The following KIF18B variants were observed in gnomAD, a reference collection of about 807,000 sequenced individuals.
KIF18B encodes the protein kinesin family member 18B.
KIF18B carries 49 observed loss-of-function variants against 80.9 expected under a neutral mutation model. That is an observed-to-expected ratio of 0.61 (90% CI 0.48 to 0.77). The LOEUF (loss-of-function observed/expected upper bound fraction) is 0.77. KIF18B is among the 30% of genes least tolerant of loss of function. The pLI, the probability that KIF18B is intolerant of heterozygous loss-of-function variation, is 0.00. For synonymous variants in KIF18B, 439 were observed against 463.9 expected, an observed-to-expected ratio of 0.95 and a Z score of 0.69; for missense variants, 994 against 1,127.7, an observed-to-expected ratio of 0.88 and a Z score of 1.70.
At chr17:44,932,370 G>T in intron 9 of KIF18B, 164 bp from the exon 10 acceptor site, 1 of 737,358 alleles carries the variant, frequency 1.4e-6, no homozygotes, top group Non-Finnish European at 2.1e-6. Context: ...TGACAAATGG[G>T]CAGTAGCTGA....
intron 11 of KIF18B, among the ~76,000 whole-genome samples, chr17:44,930,640 C>G (rs990082104): frequency 2.6e-5 from 4 of 152,112 alleles, no homozygotes; most frequent in African/African-American, 9.7e-5. Flanking sequence ...GGGCTATGAT[C>G]CCCAGTCAAG....
At chr17:44,926,910 C>A in intron 14 of KIF18B, 79 bp downstream of exon 14, 1 of 1,256,188 alleles carries the variant, frequency 8.0e-7, no homozygotes. Context: ...CACTGGGGGC[C>A]CAGAGTCGGC....
In KIF18B at chr17:44,936,311, C is replaced by T; in HGVS notation, c.34G>A (p.Val12Ile). 4 of 1,609,188 alleles carry T rather than the reference C, an allele frequency of 2.5e-6. No homozygotes were observed. The highest frequency in any genetic ancestry group is 3.4e-6 in the Non-Finnish European group (4 of 1,178,688). ...CGAGGGGTGGGGGGCCGCACCCGTA[C>T]CACTACTTGCAGCGTGCTGTCCTCC... ...AVEDSTLQVV[V>I]RVRPPTPREL... Residue 12 changes from valine to isoleucine, a missense_variant, in exon 2 of 16, where the codon GTA becomes ATA. Coordinates refer to ENST00000593135, the MANE Select transcript of KIF18B (RefSeq NM_001265577.2).
At position 44,934,682 on chromosome 17, in the gene KIF18B, A is replaced by C; in HGVS notation, c.577-65T>G. On this transcript the variant is annotated intron_variant, in intron 4 of 15. Transcript: ENST00000593135. The surrounding 1 kb of genome is among the most constrained non-coding windows in gnomAD (Gnocchi z 5.4). ...GGATCAGGACTTTTCCCCTAACAGGAAGGGCTGCTCTTCAGAATCTACATC... is the reference window on the plus strand; with the variant it reads ...GGATCAGGACTTTTCCCCTAACAGGCAGGGCTGCTCTTCAGAATCTACATC... 7.2e-7 allele frequency: 1 copy of C among 1,397,004 alleles called. No individual in the cohort carries two copies. The highest frequency in any genetic ancestry group is 9.7e-7 in the Non-Finnish European group (1 of 1,028,682). 86.5% of individuals were successfully genotyped at this position (1,397,004 alleles called of 1,614,324 possible). A position where few individuals can be genotyped will look rare whatever the true frequency, so the allele number is the denominator to read the frequency against.
In KIF18B at chr17:44,928,290, C is replaced by A. The variant is rs781639772; in HGVS notation, c.2012G>T (p.Gly671Val). The stretch of plus-strand genomic sequence containing the variant: ...CCTTTCTCCTTTGGGGGTGCTGGGC[C>A]CCTGTGAAGGTTGGGTGTCAGGCAG... Reference protein sequence around the residue: ...GSLPDTQPSQGPSTPKGERAS... With the variant: ...GSLPDTQPSQVPSTPKGERAS... Residue 671 changes from glycine (G) to valine (V), a missense_variant, in exon 13 of 16, where the codon GGG (glycine) becomes GTG (valine). Physicochemically the swap from Gly to Val is moderately radical, Grantham distance 109. Coordinates refer to ENST00000593135, the MANE Select transcript of KIF18B (RefSeq NM_001265577.2). 2 of 1,613,232 alleles carry A rather than the reference C, an allele frequency of 1.2e-6. No homozygotes were observed. The highest frequency in any genetic ancestry group is 1.7e-6 in the Non-Finnish European group (2 of 1,179,810).
rs150736129 is a variant in KIF18B at position 44,930,764 on chromosome 17, T to C, written c.1517+838A>G. On this transcript the variant is annotated intron_variant, in intron 11 of 15. Coordinates refer to ENST00000593135, the MANE Select transcript of KIF18B (RefSeq NM_001265577.2). ...TAGCAGAGGGGCCCTGGGTCATCGG[T>C]AGGAGCTCATGGTTGTTCCCTGGGA... Among the ~76,000 whole-genome samples the C allele has an allele frequency of 9.3e-3, 1,412 of 152,222 alleles. 18 individuals carry two copies. Among genetic ancestry groups the C allele is most frequent in the African/African-American group, 0.032 (1,332 of 41,518 alleles).
Position 44,946,060 on chromosome 17 carries a change from CAA to C in KIF18B, c.-15+1566_-15+1567del, listed in dbSNP as rs57457345. ...CATAGGGAGAACTTGTCTCTACTTC[CAA>C]AAAAAAAAAAAAATTGTAAATGTGG... On this transcript the variant is annotated intron_variant, in intron 1 of 15. Transcript: ENST00000593135. Among the ~76,000 whole-genome samples, 423 of 132,772 alleles carry C rather than the reference CAA, an allele frequency of 3.2e-3. 1 individual carries two copies. The highest frequency in any genetic ancestry group is 0.01 in the African/African-American group (384 of 38,138). The allele number at this position is 132,772 out of a possible 152,430, so 87.1% of individuals were successfully genotyped here. A position where few individuals can be genotyped will look rare whatever the true frequency, so the allele number is the denominator to read the frequency against.
intron 1 of KIF18B, among the ~76,000 whole-genome samples, chr17:44,946,234 A>AT (rs1166955943): frequency 6.6e-6 from 1 of 152,114 alleles, no homozygotes; most frequent in Non-Finnish European, 1.5e-5. Flanking sequence ...CTTCTATTTT[A>AT]TTTTTTTGCA....
At chr17:44,933,548 A>C (rs2052205689) in intron 7 of KIF18B, among the ~76,000 whole-genome samples, 1 of 150,852 alleles carries the variant, frequency 6.6e-6, no homozygotes, top group Non-Finnish European at 1.5e-5. Flanking sequence ...GCTGGAGTGC[A>C]GTGGCATTAT....
rs113596398 is a variant in KIF18B at position 44,943,351 on chromosome 17, C to T, written c.-15+4277G>A. ...TCCTGACTTTGTGATCCACCCGCCT[C>T]GGCCTCCCAAAGTGCTGGGATTACA... On this transcript the variant is annotated intron_variant, in intron 1 of 15. Transcript: ENST00000593135. 1.9e-4 allele frequency among the ~76,000 whole-genome samples: 29 copies of T among 152,280 alleles called. No individual in the cohort carries two copies. The East Asian group carries it at 4.4e-3, about 23-fold the overall frequency.
At chr17:44,947,113 C>CAAAAAAAAAAAAAAAAAAAA (rs57955845) in intron 1 of KIF18B, among the ~76,000 whole-genome samples, 4 of 54,000 alleles carry the variant, frequency 7.4e-5, no homozygotes, top group African/African-American at 2.6e-4. Flanking sequence ...ACTCCATCTC[C>CAAAAAAAAAAAAAAAAAAAA]AAAAAAAAAA....
intron 1 of KIF18B, among the ~76,000 whole-genome samples, chr17:44,941,309 A>G (rs2052410351): frequency 6.6e-6 from 1 of 151,794 alleles, no homozygotes; most frequent in African/African-American, 2.4e-5. Flanking sequence ...CTACACTTTC[A>G]AATATATGGA....
chr17:44,932,019 C>T (rs751521043), intron 10 of KIF18B, 37 bp downstream of exon 10: 1 of 1,577,826 alleles, frequency 6.3e-7, no homozygotes, highest in Non-Finnish European at 8.6e-7. Context: ...AGCTCCAAGC[C>T]CTCCCGATAC....
Position 44,928,435 on chromosome 17 carries a change from A to T in KIF18B, c.1867T>A (p.Trp623Arg), listed in dbSNP as rs1269351302. The T allele has an allele frequency of 2.6e-6, 4 of 1,540,208 alleles. No homozygotes were observed. The highest frequency in any genetic ancestry group is 1.4e-5 in the African/African-American group (1 of 73,220). The change falls in exon 13 of 16, where the codon TGG becomes AGG. Residue 623 changes from tryptophan (W) to arginine (R), a missense_variant. Coordinates refer to ENST00000593135, the MANE Select transcript of KIF18B (RefSeq NM_001265577.2). ...PNCTPAQGSR[W>R]PMEKKRRRPS... ...CTCCTCCTCTTCTTCTCCATGGGCC[A>T]TCGGGACCCCTGGGCTGGGGTGCAG...
chr17:44,926,084 G>A lies in KIF18B; in HGVS notation c.2555C>T (p.Ser852Phe), dbSNP rs1298160253. The A allele has an allele frequency of 1.2e-6, 2 of 1,613,920 alleles. No homozygotes were observed. The highest frequency in any genetic ancestry group is 2.2e-5 in the East Asian group (1 of 44,876). Reference sequence around the variant, plus strand: ...GTGGTCAGGACATTCTGGCGGTCAGGACACCTTGGTGACGCCGTTCCCTGC... The same window carrying A: ...GTGGTCAGGACATTCTGGCGGTCAGAACACCTTGGTGACGCCGTTCCCTGC... ...LSAGNGVTKVS is the reference protein window; with the variant it reads ...LSAGNGVTKVF Residue 852 changes from serine (S) to phenylalanine (F), a missense_variant, in exon 16 of 16, where the codon TCC becomes TTC. By Grantham distance (155) the Ser-to-Phe change is radical. Transcript: ENST00000593135.
rs1269278477 is a variant in KIF18B, at chr17:44,928,175, G to A, written c.2127C>T (p.Cys709=). The A allele has an allele frequency of 1.9e-6, 3 of 1,611,250 alleles. No individual in the cohort carries two copies. Among genetic ancestry groups the A allele is most frequent in the African/African-American group, 1.3e-5 (1 of 74,808 alleles). The change falls in exon 13 of 16, where the codon TGC becomes TGT. Residue 709 remains cysteine (C), a synonymous_variant. Coordinates refer to ENST00000593135, the MANE Select transcript of KIF18B (RefSeq NM_001265577.2). ...GAGTGGGCAGAGCCAGCGGGGTGGA[G>A]CAGTTCTGCATGGCGGAAGGGCCCA... ...VPLGPSAMQN[C]STPLALPTRD...
intron 10 of KIF18B, 28 bp from the exon 11 acceptor site, chr17:44,931,757 G>C: frequency 6.2e-7 from 1 of 1,612,246 alleles, no homozygotes; most frequent in Non-Finnish European, 8.5e-7. Context: ...GGCACAGGTA[G>C]AGGGGCCAGG....
intron 1 of KIF18B, among the ~76,000 whole-genome samples, chr17:44,936,612 ATATATATATATATTTTTTT>A (rs2052308701): frequency 2.6e-5 from 2 of 77,032 alleles, no homozygotes; most frequent in African/African-American, 9.8e-5. Flanking sequence ...ATATATATAT[ATATATATATATATTTTTTT>A]TTTTTTTTTT....
In KIF18B at chr17:44,934,304, G is replaced by A. The variant is rs777948439; in HGVS notation, c.814C>T (p.Arg272Trp). 7.4e-6 allele frequency: 12 copies of A among 1,611,674 alleles called. No homozygotes were observed. The highest frequency in any genetic ancestry group is 1.6e-4 in the Middle Eastern group (1 of 6,078). ...GAGCGGTTGATGTTGGCCCCCTCCCGCAGCCGCTCCCCCTTCGCATGGGTG... is the reference window on the plus strand; with the variant it reads ...GAGCGGTTGATGTTGGCCCCCTCCCACAGCCGCTCCCCCTTCGCATGGGTG... Reference protein sequence around the residue: ...SSTHAKGERLREGANINRSLL... With the variant: ...SSTHAKGERLWEGANINRSLL... Residue 272 changes from arginine (R) to tryptophan (W), a missense_variant, in exon 6 of 16, where the codon CGG (arginine) becomes TGG (tryptophan). Physicochemically the swap from Arg to Trp is moderately radical, Grantham distance 101. Coordinates refer to ENST00000593135, the MANE Select transcript of KIF18B (RefSeq NM_001265577.2). This position sits in a 1 kb window ranked among gnomAD's most constrained non-coding sequence, Gnocchi z 5.4.
Sources: gnomAD v4.1 joint callset for allele counts (sites outside exome capture counted in the v4.1 genomes callset) on GRCh38, gnomAD v4.1.1 for gene constraint, Gnocchi (gnomAD v3.1) non-coding constraint, MANE v1.5 for transcripts, NCBI Gene and HGNC (gene_info 2026-07-23, HGNC 2026-07-21) for gene names.